Variants in SLC44A5 observed in about 807,000 individuals in gnomAD.
The protein encoded by SLC44A5 is solute carrier family 44 member 5, also known as choline transporter-like protein 5.
Under a neutral mutation model 101.8 loss-of-function variants are expected in SLC44A5, and 57 were observed. The ratio of observed to expected loss-of-function variants is 0.56; its 90% confidence interval spans 0.45 to 0.70. The LOEUF is 0.70. Ranked by LOEUF, SLC44A5 falls within the 30% of genes least tolerant of loss-of-function variation. SLC44A5 has a pLI of 0.00. For synonymous variants in SLC44A5, 281 were observed against 290.9 expected, an observed-to-expected ratio of 0.97 and a Z score of 0.35; for missense variants, 737 against 853.1, an observed-to-expected ratio of 0.86 and a Z score of 1.70.
intron 9 of SLC44A5, 56 bp downstream of exon 9, chr1:75,241,941 CTTAA>C: frequency 7.0e-7 from 1 of 1,427,236 alleles, no homozygotes; most frequent in Non-Finnish European, 9.9e-7. Context: ...AATACGGGAA[CTTAA>C]TTAAGTAGCA....
At chr1:75,235,260 C>G (rs1401086132) in intron 11 of SLC44A5, among the ~76,000 whole-genome samples, 1 of 151,894 alleles carries the variant, frequency 6.6e-6, no homozygotes, top group African/African-American at 2.4e-5. Context: ...AAAAATACAG[C>G]TATTTTAAGC....
At chr1:75,483,686 C>T (rs2779489) in intron 2 of SLC44A5, among the ~76,000 whole-genome samples, 88,144 of 152,026 alleles carry the variant, frequency 0.58, 27,084 homozygotes, top group East Asian at 0.94. Context: ...AAATTTTAAA[C>T]GAGGGTATTG....
chr1:75,265,916 T>C (rs1283337834), intron 6 of SLC44A5, among the ~76,000 whole-genome samples: 1 of 152,182 alleles, frequency 6.6e-6, no homozygotes, highest in African/African-American at 2.4e-5. Context: ...TCTCTTTTTT[T>C]GTGGAAATCT....
At chr1:75,283,522 G>GT (rs1297489368) in intron 5 of SLC44A5, among the ~76,000 whole-genome samples, 4 of 151,920 alleles carry the variant, frequency 2.6e-5, no homozygotes, top group South Asian at 2.1e-4. Flanking sequence ...ATTTATCTTT[G>GT]TTTTTTTGTC....
intron 9 of SLC44A5, among the ~76,000 whole-genome samples, chr1:75,240,997 A>G (rs1380262966): frequency 6.6e-6 from 1 of 152,010 alleles, no homozygotes; most frequent in Non-Finnish European, 1.5e-5. Context: ...TTAACATTAT[A>G]ACATATACAT....
At chr1:75,424,283 C>G (rs912079196) in intron 2 of SLC44A5, among the ~76,000 whole-genome samples, 2 of 152,078 alleles carry the variant, frequency 1.3e-5, no homozygotes, top group African/African-American at 4.8e-5. Flanking sequence ...AAAGTTTTCT[C>G]TAAGGTAGTT....
chr1:75,667,416 C>T, the SLC44A5 span, among the ~76,000 whole-genome samples: 32 of 152,050 alleles, frequency 2.1e-4, no homozygotes, highest in Middle Eastern at 3.4e-3. Flanking sequence ...CACTGCTCAA[C>T]GAAATAAGAG....
At chr1:75,448,681 C>T (rs114199669) in intron 2 of SLC44A5, among the ~76,000 whole-genome samples, 234 of 152,276 alleles carry the variant, frequency 1.5e-3, no homozygotes, top group African/African-American at 5.4e-3. Context: ...TCACCTCTCA[C>T]CTGTTTTGCT....
intron 6 of SLC44A5, among the ~76,000 whole-genome samples, chr1:75,267,445 A>C (rs1285499117): frequency 6.6e-6 from 1 of 152,174 alleles, no homozygotes; most frequent in Non-Finnish European, 1.5e-5. Flanking sequence ...AAAGTGATAC[A>C]CATTTTTGGT....
chr1:75,454,586 TAGG>T, intron 2 of SLC44A5, among the ~76,000 whole-genome samples: 1 of 151,828 alleles, frequency 6.6e-6, no homozygotes, highest in Non-Finnish European at 1.5e-5. Flanking sequence ...AGTATCCAAA[TAGG>T]AGAAGTCAAA....
At chr1:75,577,510 C>T (rs766856812) in intron 1 of SLC44A5, among the ~76,000 whole-genome samples, 2 of 152,106 alleles carry the variant, frequency 1.3e-5, no homozygotes, top group African/African-American at 4.8e-5. Context: ...TCTTTACCAG[C>T]GATTTCAGAT....
intron 4 of SLC44A5, 85 bp downstream of exon 4, chr1:75,339,497 T>C (rs1415948750): frequency 2.8e-6 from 3 of 1,070,094 alleles, no homozygotes; most frequent in Non-Finnish European, 4.1e-6. Flanking sequence ...AATTCTCCAC[T>C]GACTGGAAAA....
At chr1:75,444,475 G>GA in intron 2 of SLC44A5, among the ~76,000 whole-genome samples, 1 of 118,580 alleles carries the variant, frequency 8.4e-6, no homozygotes, top group Admixed American at 1.0e-4. Flanking sequence ...AAAAGAAAGA[G>GA]AAAGAAAGAA....
chr1:75,323,126 G>A lies in SLC44A5; in HGVS notation c.101+16456C>T, dbSNP rs370872518. 4.2e-3 allele frequency among the ~76,000 whole-genome samples: 593 copies of A among 141,234 alleles called. 33 individuals carry two copies. In the East Asian group the frequency reaches 0.11, roughly 26 times the overall value. 92.7% of individuals were successfully genotyped at this position (141,234 alleles called of 152,430 possible). On this transcript the variant is annotated intron_variant, in intron 4 of 23. Transcript: ENST00000370859. Reference sequence around the variant, plus strand: ...CCCACAACAGTCCCCAGAGTGTGATGTTCCCCTTCCTGTGTCCATGTGTTC... The same window carrying A: ...CCCACAACAGTCCCCAGAGTGTGATATTCCCCTTCCTGTGTCCATGTGTTC...
the SLC44A5 span, among the ~76,000 whole-genome samples, chr1:75,693,970 T>G: frequency 2.4e-4 from 36 of 151,850 alleles, no homozygotes; most frequent in African/African-American, 8.4e-4. Flanking sequence ...CTGGAGGCAT[T>G]AGGTCCATAC....
chr1:75,710,819 A>G, the SLC44A5 span, among the ~76,000 whole-genome samples: 33,335 of 151,964 alleles, frequency 0.22, 5,009 homozygotes, highest in East Asian at 0.67. Context: ...ACAAAGTGCC[A>G]AAGTATAATA....
chr1:75,388,213 A>G (rs1409703069), intron 3 of SLC44A5, among the ~76,000 whole-genome samples: 2 of 148,980 alleles, frequency 1.3e-5, no homozygotes, highest in African/African-American at 5.1e-5. Context: ...AAGTGTAATA[A>G]ATAAATAAAT....
chr1:75,299,360 T>C (rs1342560980), intron 5 of SLC44A5, among the ~76,000 whole-genome samples: 2 of 152,214 alleles, frequency 1.3e-5, no homozygotes, highest in East Asian at 1.9e-4. Context: ...CATGGCAATA[T>C]TGAGATTATC....
chr1:75,229,196 T>G (rs1647341565), intron 12 of SLC44A5, among the ~76,000 whole-genome samples: 1 of 152,034 alleles, frequency 6.6e-6, no homozygotes, highest in Non-Finnish European at 1.5e-5. Flanking sequence ...CATATAAATT[T>G]CTGCAATCAT....
Sources: gnomAD v4.1 joint callset for allele counts (sites outside exome capture counted in the v4.1 genomes callset) on GRCh38, gnomAD v4.1.1 for gene constraint, MANE v1.5 for transcripts, NCBI Gene and HGNC (gene_info 2026-07-23, HGNC 2026-07-21) for gene names.